Variants in FGF12 observed in about 807,000 individuals in gnomAD.
The protein encoded by FGF12 is fibroblast growth factor 12B.
A neutral mutation model predicts 23.6 loss-of-function variants in FGF12; 14 were observed. The ratio of observed to expected loss-of-function variants is 0.59; its 90% confidence interval spans 0.39 to 0.93. FGF12 has a LOEUF of 0.93. Ranked by LOEUF, FGF12 falls within the 40% of genes least tolerant of loss-of-function variation. The pLI, the probability that FGF12 is intolerant of heterozygous loss-of-function variation, is 0.00. For missense variants in FGF12, 175 were observed against 217.8 expected, an observed-to-expected ratio of 0.80 and a Z score of 1.24; for synonymous variants, 62 against 77.3, an observed-to-expected ratio of 0.80 and a Z score of 1.04.
intron 2 of FGF12, among the ~76,000 whole-genome samples, chr3:192,583,817 G>T (rs1405886902): frequency 6.6e-6 from 1 of 152,020 alleles, no homozygotes; most frequent in Non-Finnish European, 1.5e-5. Flanking sequence ...TTGTTTTATA[G>T]GCCTTAAAGG....
chr3:192,308,905 G>A (rs1394332268), intron 4 of FGF12, among the ~76,000 whole-genome samples: 1 of 152,112 alleles, frequency 6.6e-6, no homozygotes, highest in Admixed American at 6.5e-5. Flanking sequence ...TGAAAAATTA[G>A]TTCAAGGTCT....
At chr3:192,446,925 T>C (rs1315074203) in intron 2 of FGF12, among the ~76,000 whole-genome samples, 1 of 152,208 alleles carries the variant, frequency 6.6e-6, no homozygotes, top group African/African-American at 2.4e-5. Context: ...ACGTGTCCTG[T>C]CCTTTTACAT....
At chr3:192,167,744 TATATATATATATATATATATATATAAAA>T (rs1160759388) in intron 5 of FGF12, among the ~76,000 whole-genome samples, 8 of 23,664 alleles carry the variant, frequency 3.4e-4, no homozygotes, top group Admixed American at 4.7e-4. Context: ...TATATATATA[TATATATATATATATATATATATATAAAA>T]TTTTTTTTTT....
intron 2 of FGF12, among the ~76,000 whole-genome samples, chr3:192,712,273 A>G (rs1466335258): frequency 1.3e-5 from 2 of 151,824 alleles, no homozygotes; most frequent in African/African-American, 4.8e-5. Context: ...GAACAAAACA[A>G]CAATAACAAA....
intron 2 of FGF12, among the ~76,000 whole-genome samples, chr3:192,454,152 C>T (rs1210775003): frequency 1.3e-5 from 2 of 152,112 alleles, no homozygotes; most frequent in African/African-American, 2.4e-5. Context: ...GATTCTCCTG[C>T]CTCAGCCTCC....
intron 2 of FGF12, among the ~76,000 whole-genome samples, chr3:192,573,945 T>C (rs1280608382): frequency 6.6e-6 from 1 of 152,220 alleles, no homozygotes; most frequent in African/African-American, 2.4e-5. Flanking sequence ...AACCCAGTTT[T>C]CTCCTTTCCC....
intron 2 of FGF12, among the ~76,000 whole-genome samples, chr3:192,695,710 A>G (rs1471768536): frequency 6.6e-6 from 1 of 152,160 alleles, no homozygotes. Flanking sequence ...TATGATTCCT[A>G]TGGATGAGGG....
intron 2 of FGF12, among the ~76,000 whole-genome samples, chr3:192,584,802 A>G (rs1295646359): frequency 1.3e-5 from 2 of 151,904 alleles, no homozygotes; most frequent in Admixed American, 1.3e-4. Context: ...TCAGGTCTCA[A>G]GCTTCTCTTG....
At chr3:192,544,723 G>A (rs1725454180) in intron 2 of FGF12, among the ~76,000 whole-genome samples, 1 of 152,030 alleles carries the variant, frequency 6.6e-6, no homozygotes, top group African/African-American at 2.4e-5. Context: ...TATTATTAGT[G>A]AAGCACTATA....
intron 4 of FGF12, among the ~76,000 whole-genome samples, chr3:192,273,936 G>T (rs1426608920): frequency 6.6e-6 from 1 of 151,246 alleles, no homozygotes; most frequent in Non-Finnish European, 1.5e-5. Context: ...ACTGAAAACA[G>T]TGAAAAATGC....
intron 2 of FGF12, among the ~76,000 whole-genome samples, chr3:192,611,127 G>C (rs535092053): frequency 1.6e-4 from 25 of 152,046 alleles, no homozygotes; most frequent in African/African-American, 5.8e-4. Flanking sequence ...TTAATAATCA[G>C]CTATAGAAGA....
At chr3:192,529,433 C>G (rs902830244) in intron 2 of FGF12, among the ~76,000 whole-genome samples, 2 of 152,206 alleles carry the variant, frequency 1.3e-5, no homozygotes, top group Non-Finnish European at 2.9e-5. Context: ...TGACAAGTCT[C>G]TAGGGAGTTC....
At chr3:192,647,026 G>T (rs1211287881) in intron 2 of FGF12, among the ~76,000 whole-genome samples, 2 of 152,048 alleles carry the variant, frequency 1.3e-5, no homozygotes, top group Non-Finnish European at 2.9e-5. Context: ...TGTCTTCAAC[G>T]AGTTGTGGCT....
chr3:192,143,894 C>T lies in FGF12; in HGVS notation c.*115G>A. ...GAGTGCAGAATCTTAGCCACTAGGT[C>T]TTGCGTTGTCATTTTATTTTCCTCT... is the stretch of plus-strand genomic sequence containing the variant. On this transcript the variant is annotated 3_prime_UTR_variant, in exon 6 of 6. Transcript: ENST00000445105. The T allele has an allele frequency of 1.4e-6, 1 of 702,776 alleles. No homozygotes were observed. Among genetic ancestry groups the T allele is most frequent in the Non-Finnish European group, 2.5e-6 (1 of 396,296 alleles). 43.5% of individuals were successfully genotyped at this position (702,776 alleles called of 1,614,324 possible). A position where few individuals can be genotyped will look rare whatever the true frequency, so the allele number is the denominator to read the frequency against.
intron 4 of FGF12, among the ~76,000 whole-genome samples, chr3:192,317,943 C>A (rs1408451160): frequency 6.6e-6 from 1 of 152,102 alleles, no homozygotes; most frequent in Non-Finnish European, 1.5e-5. Flanking sequence ...AGGGTGTCTG[C>A]GTGGTGATCC....
At chr3:192,277,999 G>A (rs1191976289) in intron 4 of FGF12, among the ~76,000 whole-genome samples, 1 of 152,114 alleles carries the variant, frequency 6.6e-6, no homozygotes, top group Non-Finnish European at 1.5e-5. Context: ...CTGACCTCGT[G>A]ATCCACCTGC....
At chr3:192,675,300 CAA>C (rs1352182521) in intron 2 of FGF12, among the ~76,000 whole-genome samples, 1 of 115,038 alleles carries the variant, frequency 8.7e-6, no homozygotes. Flanking sequence ...TCAAAGTAAG[CAA>C]AAAAAAAAAA....
chr3:192,553,724 C>T (rs544167054), intron 2 of FGF12, among the ~76,000 whole-genome samples: 2 of 152,246 alleles, frequency 1.3e-5, no homozygotes, highest in East Asian at 1.9e-4. Context: ...TTGTACAATC[C>T]GGAGAAAACT....
intron 5 of FGF12, among the ~76,000 whole-genome samples, chr3:192,144,418 T>C (rs1713578801): frequency 6.6e-6 from 1 of 152,168 alleles, no homozygotes; most frequent in African/African-American, 2.4e-5. Flanking sequence ...AAAGAGGATT[T>C]TCATCCAGAG....
Sources: allele counts gnomAD v4.1 joint callset (sites outside exome capture counted in the v4.1 genomes callset), GRCh38; gene constraint gnomAD v4.1.1; transcripts MANE v1.5; gene names NCBI Gene and HGNC (gene_info 2026-07-23, HGNC 2026-07-21).